PCSK5: variants seen among roughly 807,000 people sequenced by gnomAD.
PCSK5 encodes the protein proprotein convertase subtilisin/kexin type 5, also known as prohormone convertase 5.
In PCSK5, 129 loss-of-function variants were observed where a neutral mutation model predicts 233.2. The ratio of observed to expected loss-of-function variants is 0.55; its 90% CI spans 0.48 to 0.64. PCSK5 has a LOEUF of 0.64. PCSK5 is among the 30% of genes least tolerant of loss of function. The pLI is 0.00. For missense variants in PCSK5, 2,076 were observed against 2,430.1 expected, an observed-to-expected ratio of 0.85 and a Z score of 3.06; for synonymous variants, 825 against 879.2, an observed-to-expected ratio of 0.94 and a Z score of 1.09.
chr9:76,085,567 G>A (rs1664909159), intron 7 of PCSK5, among the ~76,000 whole-genome samples: 1 of 152,170 alleles, frequency 6.6e-6, no homozygotes, highest in African/African-American at 2.4e-5. Context: ...CACTATAGAG[G>A]CTTGTAAATA....
At chr9:76,199,988 A>G (rs1447991039) in intron 20 of PCSK5, among the ~76,000 whole-genome samples, 2 of 152,038 alleles carry the variant, frequency 1.3e-5, no homozygotes, top group Non-Finnish European at 2.9e-5. Flanking sequence ...ATATCTCTAA[A>G]TGGTCTACTT....
chr9:76,007,299 G>T (rs1827518844), intron 3 of PCSK5, among the ~76,000 whole-genome samples: 1 of 152,078 alleles, frequency 6.6e-6, no homozygotes, highest in African/African-American at 2.4e-5. Context: ...TTTGTGTGCT[G>T]TTGCAAATTT....
Position 76,338,251 on chromosome 9 carries a change from T to C in PCSK5, c.4770T>C (p.Thr1590=). 3 of 1,612,314 alleles carry C rather than the reference T, an allele frequency of 1.9e-6. No individual in the cohort carries two copies. Among genetic ancestry groups the C allele is most frequent in the Admixed American group, 1.7e-5 (1 of 59,944 alleles). ...CREGYYADNS[T]GRCERCNRSC... ...TCAGATATTACGCAGACAACTCCAC[T>C]GGCCGGTGTGAGAGGTGCAACAGGA... The change falls in exon 35 of 38, where the codon ACT becomes ACC. Residue 1590 remains threonine (T), a synonymous_variant. Transcript: ENST00000674117.
intron 7 of PCSK5, among the ~76,000 whole-genome samples, chr9:76,093,505 T>C (rs1268658472): frequency 6.6e-6 from 1 of 152,016 alleles, no homozygotes; most frequent in Non-Finnish European, 1.5e-5. Flanking sequence ...TTCTTTAAAA[T>C]CAAGTTACTT....
chr9:76,249,632 A>G (rs1161678283), intron 24 of PCSK5, among the ~76,000 whole-genome samples: 1 of 152,158 alleles, frequency 6.6e-6, no homozygotes, highest in Non-Finnish European at 1.5e-5. Context: ...GAATTGGCTG[A>G]TTTGGGGACT....
At chr9:76,303,595 G>T (rs573655333) in intron 28 of PCSK5, among the ~76,000 whole-genome samples, 1 of 152,268 alleles carries the variant, frequency 6.6e-6, no homozygotes, top group South Asian at 2.1e-4. Flanking sequence ...GATTAATATT[G>T]TTGCCTTATT....
chr9:76,093,299 T>G (rs1219472690), intron 7 of PCSK5, among the ~76,000 whole-genome samples: 7 of 152,090 alleles, frequency 4.6e-5, no homozygotes, highest in South Asian at 4.2e-4. Context: ...CTCACCCTAT[T>G]GCCCAGGCTG....
chr9:75,918,911 A>G (rs1397569088), intron 1 of PCSK5, among the ~76,000 whole-genome samples: 3 of 152,162 alleles, frequency 2.0e-5, no homozygotes, highest in African/African-American at 7.2e-5. Flanking sequence ...CTTTTGCATT[A>G]CCTTTCCAAC....
intron 2 of PCSK5, among the ~76,000 whole-genome samples, chr9:75,981,263 A>G (rs967842008): frequency 1.3e-5 from 2 of 152,200 alleles, no homozygotes; most frequent in Admixed American, 6.5e-5. Context: ...GACTCTCTAG[A>G]TAAAATTTCA....
intron 27 of PCSK5, among the ~76,000 whole-genome samples, chr9:76,300,923 T>A (rs904381354): frequency 1.3e-5 from 2 of 152,216 alleles, no homozygotes; most frequent in African/African-American, 4.8e-5. Flanking sequence ...GGTCCAGTTT[T>A]AACACTTGAA....
At chr9:76,285,929 T>A (rs567216398) in intron 24 of PCSK5, among the ~76,000 whole-genome samples, 38 of 152,338 alleles carry the variant, frequency 2.5e-4, no homozygotes, top group African/African-American at 8.4e-4. Context: ...ATTAAATTTC[T>A]TTGGTAATAA....
chr9:75,903,597 A>ATT (rs1214389443), intron 1 of PCSK5, among the ~76,000 whole-genome samples: 2 of 140,624 alleles, frequency 1.4e-5, no homozygotes, highest in Admixed American at 7.1e-5. Context: ...TAAAATATAT[A>ATT]TTATATATAT....
intron 24 of PCSK5, among the ~76,000 whole-genome samples, chr9:76,278,159 C>G (rs573043142): frequency 6.6e-6 from 1 of 152,074 alleles, no homozygotes; most frequent in Non-Finnish European, 1.5e-5. Context: ...AATGCTTGGC[C>G]CCACTGAAAG....
intron 21 of PCSK5, among the ~76,000 whole-genome samples, chr9:76,230,821 G>A (rs1041559354): frequency 6.6e-6 from 1 of 152,012 alleles, no homozygotes; most frequent in Non-Finnish European, 1.5e-5. Flanking sequence ...GTCATCCCCA[G>A]ATGAGACCAT....
intron 10 of PCSK5, among the ~76,000 whole-genome samples, chr9:76,153,060 T>A (rs1823739305): frequency 6.6e-6 from 1 of 152,210 alleles, no homozygotes; most frequent in African/African-American, 2.4e-5. Context: ...ACGGCTTTCC[T>A]GAGCTTATGT....
intron 19 of PCSK5, 130 bp from the exon 20 acceptor site, chr9:76,189,498 ATTG>A: frequency 3.0e-6 from 2 of 670,102 alleles, no homozygotes; most frequent in Middle Eastern, 2.5e-4. Flanking sequence ...TAACCTAGCA[ATTG>A]TTGTGAGGAA....
intron 15 of PCSK5, among the ~76,000 whole-genome samples, chr9:76,181,017 A>C (rs1385604958): frequency 2.6e-5 from 4 of 152,190 alleles, no homozygotes; most frequent in Non-Finnish European, 5.9e-5. Context: ...CCATATGACA[A>C]ACAACACACG....
intron 6 of PCSK5, 146 bp downstream of exon 6, chr9:76,068,189 C>A (rs1474440464): frequency 3.4e-6 from 2 of 584,808 alleles, no homozygotes; most frequent in African/African-American, 1.9e-5. Context: ...CCCAACATGA[C>A]CATGTTAGCA....
intron 11 of PCSK5, among the ~76,000 whole-genome samples, chr9:76,157,407 G>T (rs533285570): frequency 6.6e-6 from 1 of 152,232 alleles, no homozygotes; most frequent in African/African-American, 2.4e-5. Context: ...CTTACCCCTG[G>T]GCTCTTGAAA....
Sources: gnomAD v4.1 joint callset for allele counts (sites outside exome capture counted in the v4.1 genomes callset) on GRCh38, gnomAD v4.1.1 for gene constraint, MANE v1.5 for transcripts, NCBI Gene and HGNC (gene_info 2026-07-23, HGNC 2026-07-21) for gene names.